ADCY9: variants seen among roughly 807,000 people sequenced by gnomAD.
ADCY9 encodes adenylate cyclase type 9.
In ADCY9, 50 loss-of-function variants were observed where a neutral mutation model predicts 101.5. The observed-to-expected ratio is 0.49, with a 90% CI of 0.39 to 0.62. The LOEUF (loss-of-function observed/expected upper bound fraction) is 0.62, where lower values mean the gene tolerates loss of function less well. Among genes scored for constraint, ADCY9 ranks in the 20% least tolerant of loss-of-function variants. The pLI, the probability that ADCY9 is intolerant of heterozygous loss-of-function variation, is 0.00. For missense variants in ADCY9, 1,662 were observed against 1,800.4 expected, an observed-to-expected ratio of 0.92 and a Z score of 1.39; for synonymous variants, 905 against 769.3, an observed-to-expected ratio of 1.18 and a Z score of -2.92.
chr16:3,966,318 C>A lies in ADCY9; in HGVS notation c.3519G>T (p.Thr1173=). Residue 1173 remains threonine (T), a synonymous_variant, in exon 11 of 11, where the codon ACG becomes ACT. Transcript: ENST00000294016. The stretch of plus-strand genomic sequence containing the variant: ...GCTTGGTGGTGCCGATGACCCCGGC[C>A]GTGAGGGGCCCATGGTTGAAGCCGA... ...LRVGFNHGPL[T]AGVIGTTKLL... is the part of the protein sequence containing the mutation. 6.2e-7 allele frequency: 1 copy of A among 1,614,084 alleles called. No individual in the cohort carries two copies. The highest frequency in any genetic ancestry group is 8.5e-7 in the Non-Finnish European group (1 of 1,180,042).
chr16:4,000,968 TACACACACACACACACAC>T (rs141254290), intron 3 of ADCY9, among the ~76,000 whole-genome samples: 17 of 125,256 alleles, frequency 1.4e-4, no homozygotes, highest in African/African-American at 3.5e-4. Context: ...TCCCTCTCTC[TACACACACACACACACAC>T]ACACACACAC....
At chr16:3,961,257 G>A (rs552357473), downstream of ADCY9, among the ~76,000 whole-genome samples, 1 of 152,106 alleles carries the variant, frequency 6.6e-6, no homozygotes, top group East Asian at 1.9e-4. Context: ...AGAACAGCCT[G>A]GCCAACATGG....
intron 10 of ADCY9, among the ~76,000 whole-genome samples, chr16:3,969,571 T>A (rs1163293581): frequency 5.2e-5 from 1 of 19,200 alleles, no homozygotes; most frequent in South Asian, 3.3e-3. Flanking sequence ...TTGTTTGAAA[T>A]ATATATATAT....
downstream of ADCY9, among the ~76,000 whole-genome samples, chr16:3,957,892 T>C (rs1303740583): frequency 6.6e-6 from 1 of 152,108 alleles, no homozygotes; most frequent in Non-Finnish European, 1.5e-5. Context: ...CACGCACAAA[T>C]CCAAACAAAC....
chr16:4,026,351 G>A (rs1386108765), intron 2 of ADCY9, among the ~76,000 whole-genome samples: 1 of 149,468 alleles, frequency 6.7e-6, no homozygotes, highest in African/African-American at 2.5e-5. Flanking sequence ...TTGAACCCGG[G>A]AGGCGGACAT....
intron 6 of ADCY9, 90 bp downstream of exon 6, chr16:3,988,904 C>G (rs2056220656): frequency 1.0e-6 from 1 of 1,002,436 alleles, no homozygotes; most frequent in African/African-American, 1.6e-5. Flanking sequence ...GTGTTCCCAT[C>G]CCTTGGTAAA....
At chr16:4,084,512 G>A (rs2056925319) in intron 2 of ADCY9, among the ~76,000 whole-genome samples, 1 of 152,058 alleles carries the variant, frequency 6.6e-6, no homozygotes, top group Non-Finnish European at 1.5e-5. Flanking sequence ...TATTGCTTGA[G>A]GCCAGGAGAT....
intron 2 of ADCY9, among the ~76,000 whole-genome samples, chr16:4,065,815 C>T (rs994815931): frequency 2.0e-5 from 3 of 152,202 alleles, no homozygotes; most frequent in Non-Finnish European, 2.9e-5. Context: ...GTGATCTGCC[C>T]GCCTCGGCCT....
intron 2 of ADCY9, among the ~76,000 whole-genome samples, chr16:4,056,184 T>C (rs1266196594): frequency 1.3e-5 from 2 of 152,216 alleles, no homozygotes; most frequent in Non-Finnish European, 2.9e-5. Flanking sequence ...TCAACATATT[T>C]ATAGAAGATC....
chr16:4,019,359 A>G (rs996071327), intron 2 of ADCY9, among the ~76,000 whole-genome samples: 1 of 152,140 alleles, frequency 6.6e-6, no homozygotes, highest in Non-Finnish European at 1.5e-5. Flanking sequence ...CCACCCAGGG[A>G]TGTCCCAGGC....
chr16:4,115,874 C>T lies in ADCY9; in HGVS notation c.-228G>A, dbSNP rs2057148450. ...CAGACCTTGAGCGCTCCCAGCCCCGCGAGCCGCCTGCGCACAAACAACTCC... is the reference window on the plus strand; with the variant it reads ...CAGACCTTGAGCGCTCCCAGCCCCGTGAGCCGCCTGCGCACAAACAACTCC... On this transcript the variant is annotated 5_prime_UTR_variant, in exon 1 of 11. Transcript: ENST00000294016. The surrounding 1 kb of genome is among the most constrained non-coding windows in gnomAD (Gnocchi z 6.2). 5.1e-6 allele frequency: 2 copies of T among 395,184 alleles called. No homozygotes were observed. Among genetic ancestry groups the T allele is most frequent in the Non-Finnish European group, 8.9e-6 (2 of 223,986 alleles). The allele number at this position is 395,184 out of a possible 1,614,324, so 24.5% of individuals were successfully genotyped here. A position where few individuals can be genotyped will look rare whatever the true frequency, so the allele number is the denominator to read the frequency against.
chr16:4,098,822 C>A (rs960397492), intron 2 of ADCY9, among the ~76,000 whole-genome samples: 4 of 152,156 alleles, frequency 2.6e-5, no homozygotes, highest in African/African-American at 7.2e-5. Context: ...CTAGAACATT[C>A]CGCAGCTGTC....
intron 5 of ADCY9, among the ~76,000 whole-genome samples, chr16:3,990,423 G>T (rs201034530): frequency 6.6e-6 from 1 of 151,276 alleles, no homozygotes; most frequent in African/African-American, 2.4e-5. Context: ...CCAAGATGGC[G>T]CCACTGCATT....
intron 5 of ADCY9, among the ~76,000 whole-genome samples, chr16:3,955,505 G>C (rs1208161610): frequency 1.3e-5 from 2 of 152,196 alleles, no homozygotes; most frequent in East Asian, 3.8e-4. Context: ...GTTGGATGAG[G>C]ACTTTAGAAG....
rs61731447 is a variant in ADCY9 at position 3,966,195 on chromosome 16, G to A, written c.3642C>T (p.Arg1214=). ...CRIQVSEESY[R]VLSKMGYDFD... ...AGTCATAGCCCATCTTGCTCAAGACGCGGTAGCTCTCTTCGCTCACCTGGA... is the reference window on the plus strand; with the variant it reads ...AGTCATAGCCCATCTTGCTCAAGACACGGTAGCTCTCTTCGCTCACCTGGA... The change falls in exon 11 of 11, where the codon CGC becomes CGT. Residue 1214 remains arginine (R), a synonymous_variant. Coordinates refer to ENST00000294016, the MANE Select transcript of ADCY9 (RefSeq NM_001116.4). The A allele has an allele frequency of 9.4e-5, 152 of 1,614,094 alleles. No homozygotes were observed. Among genetic ancestry groups the A allele is most frequent in the Non-Finnish European group, 1.1e-4 (134 of 1,180,052 alleles).
rs202245497 is a variant in ADCY9, at chr16:3,966,078, C to G, written c.3759G>C (p.Gln1253His). Residue 1253 changes from glutamine (Q) to histidine (H), a missense_variant, in exon 11 of 11, where the codon CAG becomes CAC. Coordinates refer to ENST00000294016, the MANE Select transcript of ADCY9 (RefSeq NM_001116.4). ...TGTCTGGGGAGATGGACAGCTGGTGCTGTGGGATGACCCTGTGATCCGTGC... is the reference window on the plus strand; with the variant it reads ...TGTCTGGGGAGATGGACAGCTGGTGGTGTGGGATGACCCTGTGATCCGTGC... ...PKCTDHRVIP[Q>H]HQLSISPDIR... The G allele has an allele frequency of 1.2e-6, 2 of 1,614,122 alleles. No homozygotes were observed. The highest frequency in any genetic ancestry group is 1.7e-6 in the Non-Finnish European group (2 of 1,180,056).
At chr16:3,968,234 G>A (rs1403721001) in intron 10 of ADCY9, among the ~76,000 whole-genome samples, 1 of 151,972 alleles carries the variant, frequency 6.6e-6, no homozygotes. Context: ...CCGGGTTCAA[G>A]TGATTCTCCT....
At chr16:4,097,500 AC>A (rs1360130495) in intron 2 of ADCY9, among the ~76,000 whole-genome samples, 1 of 123,098 alleles carries the variant, frequency 8.1e-6, no homozygotes, top group African/African-American at 3.1e-5. Flanking sequence ...ACACACACAC[AC>A]TATATATATG....
Position 3,966,824 on chromosome 16 carries a change from G to A in ADCY9, c.3013C>T (p.Arg1005Cys), listed in dbSNP as rs762293576. ...TCCACGTCTCCGTGGTAGTGGAGGC[G>A]GTAGCTGACTTCAAATTCGCGATTC... Reference protein sequence around the residue: ...FLNREFEVSYRLHYHGDVEAD... With the variant: ...FLNREFEVSYCLHYHGDVEAD... Residue 1005 changes from arginine to cysteine, a missense_variant, in exon 11 of 11, where the codon CGC becomes TGC. Around this residue, in one of 5 missense-constraint regions of ADCY9, gnomAD observed 624 missense variants for 639.1 expected, o/e 0.98. Transcript: ENST00000294016. The A allele has an allele frequency of 3.7e-6, 6 of 1,614,176 alleles. No individual in the cohort carries two copies. Among genetic ancestry groups the A allele is most frequent in the Admixed American group, 1.7e-5 (1 of 60,014 alleles).
Sources: allele counts gnomAD v4.1 joint callset (sites outside exome capture counted in the v4.1 genomes callset), GRCh38; gene constraint gnomAD v4.1.1; regional missense constraint gnomAD v4.1.1; non-coding constraint Gnocchi (gnomAD v3.1); transcripts MANE v1.5; gene names NCBI Gene and HGNC (gene_info 2026-07-23, HGNC 2026-07-21).